THSD7B: variants seen among roughly 807,000 people sequenced by gnomAD.
THSD7B encodes the protein thrombospondin type-1 domain-containing protein 7B.
Under a neutral mutation model 213.6 loss-of-function variants are expected in THSD7B, and 138 were observed. That is an observed-to-expected ratio of 0.65 (90% CI 0.56 to 0.74). The LOEUF (loss-of-function observed/expected upper bound fraction) is 0.74. THSD7B is among the 30% of genes least tolerant of loss of function. The pLI, the probability that THSD7B is intolerant of heterozygous loss-of-function variation, is 0.00. For missense variants in THSD7B, 1,931 were observed against 1,991.5 expected (o/e 0.97, Z 0.58); for synonymous variants, 742 against 687.0 (o/e 1.08, Z -1.25).
intron 17 of THSD7B, among the ~76,000 whole-genome samples, chr2:137,615,952 T>C (rs77604614): frequency 0.026 from 4,018 of 152,248 alleles, 89 homozygotes; most frequent in East Asian, 0.07. Context: ...GAGATAGAAA[T>C]GTAGCCTTCA....
chr2:137,500,484 C>T (rs1479721311), intron 15 of THSD7B, among the ~76,000 whole-genome samples: 1 of 152,126 alleles, frequency 6.6e-6, no homozygotes, highest in Non-Finnish European at 1.5e-5. Context: ...AGAGGGTTGA[C>T]ACACCAACAA....
intron 25 of THSD7B, among the ~76,000 whole-genome samples, chr2:137,660,742 T>C (rs963341418): frequency 6.6e-6 from 1 of 152,192 alleles, no homozygotes; most frequent in African/African-American, 2.4e-5. Flanking sequence ...ATGGCTTCAA[T>C]AGCTAAGCAC....
chr2:137,012,030 T>A (rs552791852), intron 2 of THSD7B, among the ~76,000 whole-genome samples: 15 of 152,260 alleles, frequency 9.9e-5, no homozygotes, highest in African/African-American at 3.6e-4. Flanking sequence ...GAATTTAGCA[T>A]CAGCAATCCT....
At position 137,178,860 on chromosome 2, in the gene THSD7B, T is replaced by A. The variant is rs893634211; in HGVS notation, c.1723+7922T>A. ...TGCAAGATAGCTTTTGTCTTTTTTC[T>A]CCTTTAGAAAGGGGCCTAAATAAAT... On this transcript the variant is annotated intron_variant, in intron 7 of 27. Coordinates refer to ENST00000409968, the MANE Select transcript of THSD7B (RefSeq NM_001316349.2). Among the ~76,000 whole-genome samples, 4 of 152,218 alleles carry A rather than the reference T, an allele frequency of 2.6e-5. No individual in the cohort carries two copies. In the East Asian group the frequency reaches 7.7e-4, roughly 29 times the overall value.
At chr2:137,629,751 G>A (rs971029233) in intron 20 of THSD7B, among the ~76,000 whole-genome samples, 2 of 152,120 alleles carry the variant, frequency 1.3e-5, no homozygotes, top group African/African-American at 2.4e-5. Flanking sequence ...GTGTCTATTG[G>A]CATATAAGTA....
Position 137,207,950 on chromosome 2 carries a change from A to G in THSD7B, c.1724-23094A>G, listed in dbSNP as rs192853609. On this transcript the variant is annotated intron_variant, in intron 7 of 27. Coordinates refer to ENST00000409968, the MANE Select transcript of THSD7B (RefSeq NM_001316349.2). ...TTGCAGTAAAGAGTTTAATTAATGC[A>G]AGGCTGCCAAGTGGAAGTGTTCCCA... is the stretch of plus-strand genomic sequence containing the variant. 2.0e-5 allele frequency among the ~76,000 whole-genome samples: 3 copies of G among 152,164 alleles called. No homozygotes were observed. The East Asian group carries it at 5.8e-4, about 30-fold the overall frequency.
At chr2:137,568,612 G>A (rs1681288881) in intron 16 of THSD7B, among the ~76,000 whole-genome samples, 1 of 152,154 alleles carries the variant, frequency 6.6e-6, no homozygotes, top group African/African-American at 2.4e-5. Context: ...GGAAGGCAAA[G>A]GGGAAGCAAG....
intron 5 of THSD7B, among the ~76,000 whole-genome samples, chr2:137,131,107 A>ATGG (rs2104953586): frequency 7.4e-6 from 1 of 134,504 alleles, no homozygotes; most frequent in East Asian, 2.2e-4. Context: ...TGTGGTTTTG[A>ATGG]TTTGCATTTC....
rs747398135 is a variant in THSD7B at position 137,563,211 on chromosome 2, TTCTTGACAGG to T, written c.3139-8_3140del. ...TCCACATAATTTTGTTTCTTTCCTG[TTCTTGACAGG>T]TACATGAGGCAGTCCCATGTTACAG... is the stretch of plus-strand genomic sequence containing the variant. On this transcript the variant is annotated splice_acceptor_variant and splice_polypyrimidine_tract_variant and coding_sequence_variant and intron_variant, in exon 16 of 28. Transcript: ENST00000409968. LOFTEE classifies it high-confidence loss of function. 1 of 1,612,024 alleles carries T rather than the reference TTCTTGACAGG, an allele frequency of 6.2e-7. No homozygotes were observed. The highest frequency in any genetic ancestry group is 1.3e-5 in the African/African-American group (1 of 74,970).
chr2:136,911,632 C>A (rs1034922995), intron 2 of THSD7B, among the ~76,000 whole-genome samples: 21 of 152,214 alleles, frequency 1.4e-4, no homozygotes, highest in African/African-American at 4.6e-4. Flanking sequence ...ATGTTCATAT[C>A]TTAGTGCCAT....
chr2:136,956,601 C>CAAAAAA (rs10676991), intron 2 of THSD7B, among the ~76,000 whole-genome samples: 2,049 of 121,488 alleles, frequency 0.017, 25 homozygotes, highest in Non-Finnish European at 0.023. Flanking sequence ...GACCCTGTCT[C>CAAAAAA]AAAAAAAAAA....
chr2:137,672,751 T>TAA (rs1279653888), intron 27 of THSD7B, among the ~76,000 whole-genome samples: 1 of 152,308 alleles, frequency 6.6e-6, no homozygotes, highest in South Asian at 2.1e-4. Flanking sequence ...CAATTTATAG[T>TAA]AAAACTTGAA....
chr2:136,815,735 A>G (rs1387220219), intron 1 of THSD7B, among the ~76,000 whole-genome samples: 2 of 152,158 alleles, frequency 1.3e-5, no homozygotes, highest in East Asian at 3.9e-4. Context: ...AAAACAAATT[A>G]AGTTATAAGT....
intron 3 of THSD7B, among the ~76,000 whole-genome samples, chr2:137,061,886 A>G (rs1248758077): frequency 6.6e-6 from 1 of 151,662 alleles, no homozygotes; most frequent in Non-Finnish European, 1.5e-5. Context: ...ATTGGAAAGT[A>G]TTTTCTGTGC....
rs79109019 is a variant in THSD7B at position 137,048,372 on chromosome 2, T to C, written c.140-8048T>C. Among the ~76,000 whole-genome samples, 523 of 152,264 alleles carry C rather than the reference T, an allele frequency of 3.4e-3. 8 individuals carry two copies. The East Asian group carries it at 0.043, about 12-fold the overall frequency. On this transcript the variant is annotated intron_variant, in intron 2 of 27. Coordinates refer to ENST00000409968, the MANE Select transcript of THSD7B (RefSeq NM_001316349.2). Reference sequence around the variant, plus strand: ...ATTATTCCTTTGAAAAAAAATGAGATGCACTAAATGTTCTGTCCACCAAAA... The same window carrying C: ...ATTATTCCTTTGAAAAAAAATGAGACGCACTAAATGTTCTGTCCACCAAAA...
chr2:137,234,141 A>G (rs1334812555), intron 9 of THSD7B, among the ~76,000 whole-genome samples: 1 of 152,236 alleles, frequency 6.6e-6, no homozygotes, highest in Admixed American at 6.5e-5. Context: ...GGAGAGATTG[A>G]TTCTGATGCT....
intron 15 of THSD7B, among the ~76,000 whole-genome samples, chr2:137,485,275 G>T (rs1046420771): frequency 1.4e-5 from 2 of 146,392 alleles, no homozygotes; most frequent in African/African-American, 2.5e-5. Context: ...TTATTAAATA[G>T]GGAATCCTTT....
intron 1 of THSD7B, among the ~76,000 whole-genome samples, chr2:136,769,172 A>AT (rs1681461663): frequency 6.6e-6 from 1 of 152,188 alleles, no homozygotes; most frequent in African/African-American, 2.4e-5. Context: ...TATTTTTGAA[A>AT]TGAAGCCAAG....
At chr2:137,132,564 T>G (rs536096624) in intron 5 of THSD7B, among the ~76,000 whole-genome samples, 1 of 152,268 alleles carries the variant, frequency 6.6e-6, no homozygotes, top group South Asian at 2.1e-4. Context: ...TAATCCTTCT[T>G]TATATAGATA....
Sources: allele counts gnomAD v4.1 joint callset (sites outside exome capture counted in the v4.1 genomes callset), GRCh38; gene constraint gnomAD v4.1.1; transcripts MANE v1.5; gene names NCBI Gene and HGNC (gene_info 2026-07-23, HGNC 2026-07-21).